The following POMGNT1 variants were observed in gnomAD, a reference collection of about 807,000 sequenced individuals.
POMGNT1 encodes protein O-linked-mannose beta-1,2-N-acetylglucosaminyltransferase 1.
POMGNT1 carries 67 observed loss-of-function variants against 95.6 expected under a neutral mutation model. The ratio of observed to expected loss-of-function variants is 0.70; its 90% CI spans 0.58 to 0.86. The LOEUF (loss-of-function observed/expected upper bound fraction) is 0.86. Among genes scored for constraint, POMGNT1 ranks in the 40% least tolerant of loss-of-function variants. The probability of loss-of-function intolerance (pLI) is 0.00; values close to 1 mark genes in which losing one functional copy is unlikely to be tolerated. For missense variants in POMGNT1, 719 were observed against 855.2 expected, an observed-to-expected ratio of 0.84 and a Z score of 1.99; for synonymous variants, 298 against 317.9, an observed-to-expected ratio of 0.94 and a Z score of 0.66.
chr1:46,207,784 T>C lies in POMGNT1; in HGVS notation c.-50-9913A>G, dbSNP rs146864739. Among the ~76,000 whole-genome samples the C allele has an allele frequency of 5.3e-3, 803 of 152,174 alleles. 6 individuals carry two copies. Among genetic ancestry groups the C allele is most frequent in the Middle Eastern group, 0.041 (12 of 294 alleles). On this transcript the variant is annotated intron_variant, in intron 1 of 22. Coordinates refer to the POMGNT1 transcript ENST00000371992. ...CGATCTCCTGACCTCGTGATCTGCC[T>C]GCCTCGGCCTCCCAAAGTGCTGGGA...
chr1:46,197,958 A>C (rs1459536348), intron 1 of POMGNT1, 87 bp from the exon 2 acceptor site: 5 of 1,316,738 alleles, frequency 3.8e-6, no homozygotes, highest in Non-Finnish European at 5.2e-6. Flanking sequence ...CCTCCCAGCA[A>C]CTCTTCCCTG....
rs754803910 is a variant in POMGNT1 at position 46,190,456 on chromosome 1, A to G, written c.1649+17T>C. 5 of 1,575,494 alleles carry G rather than the reference A, an allele frequency of 3.2e-6. No homozygotes were observed. The highest frequency in any genetic ancestry group is 2.2e-5 in the East Asian group (1 of 44,676). On this transcript the variant is annotated intron_variant, in intron 19 of 21. Coordinates refer to ENST00000371984, the MANE Select transcript of POMGNT1 (RefSeq NM_017739.4). ...ACTCTTTGCTCCCTGCTACACCCCA[A>G]TTGTCCTAGGCCATACCTGAGCAGC...
In POMGNT1 at chr1:46,190,687, A is replaced by C. The variant is rs763991035; in HGVS notation, c.1604+33T>G. 15 of 1,589,266 alleles carry C rather than the reference A, an allele frequency of 9.4e-6. No individual in the cohort carries two copies. The Admixed American group carries it at 1.5e-4, about 16-fold the overall frequency. ...AGGGACTGGCCTCCAAATCTCCTAG[A>C]TATCCACCCCTTGCCCTGCTGCCAG... is the stretch of plus-strand genomic sequence containing the variant. On this transcript the variant is annotated intron_variant, in intron 18 of 21. Transcript: ENST00000371984.
At position 46,196,613 on chromosome 1, in the gene POMGNT1, G is replaced by A; in HGVS notation, c.354+118C>T. Reference sequence around the variant, plus strand: ...TAGATAAGGAATCGAGGACTCCAAAGTCACACAGCTAGAAACTGGCAGAGT... The same window carrying A: ...TAGATAAGGAATCGAGGACTCCAAAATCACACAGCTAGAAACTGGCAGAGT... On this transcript the variant is annotated intron_variant, in intron 4 of 21. Transcript: ENST00000371984. The surrounding 1 kb of genome is among the most constrained non-coding windows in gnomAD (Gnocchi z 4.4). 1 of 1,589,916 alleles carries A rather than the reference G, an allele frequency of 6.3e-7. No individual in the cohort carries two copies. The highest frequency in any genetic ancestry group is 8.5e-7 in the Non-Finnish European group (1 of 1,171,704).
At chr1:46,209,744 C>T (rs1238216936) in intron 1 of POMGNT1, among the ~76,000 whole-genome samples, 3 of 151,834 alleles carry the variant, frequency 2.0e-5, no homozygotes, top group Non-Finnish European at 4.4e-5. Flanking sequence ...CTCCTGACCT[C>T]GGGTAATCCA....
intron 1 of POMGNT1, among the ~76,000 whole-genome samples, chr1:46,216,728 T>C (rs1659083476): frequency 6.6e-6 from 1 of 152,164 alleles, no homozygotes; most frequent in African/African-American, 2.4e-5. Context: ...GGGATACTGT[T>C]GAACCCATCA....
intron 2 of POMGNT1, chr1:46,197,501 G>C (rs955296955): frequency 4.7e-6 from 7 of 1,494,636 alleles, no homozygotes; most frequent in South Asian, 2.6e-5. Flanking sequence ...CAGAAGCTTA[G>C]AAGTTGTACT....
At chr1:46,201,014 C>T (rs1200665595), upstream of POMGNT1, among the ~76,000 whole-genome samples, 1 of 152,034 alleles carries the variant, frequency 6.6e-6, no homozygotes, top group East Asian at 1.9e-4. Flanking sequence ...GCCTGTAATT[C>T]CAGTTACTCA....
chr1:46,215,718 G>GT (rs1198015910), intron 1 of POMGNT1, among the ~76,000 whole-genome samples: 1 of 152,160 alleles, frequency 6.6e-6, no homozygotes, highest in Non-Finnish European at 1.5e-5. Flanking sequence ...GGGCAACATA[G>GT]TGAGACCCCA....
upstream of POMGNT1, chr1:46,198,536 C>T (rs1311921993): frequency 1.8e-5 from 3 of 167,026 alleles, no homozygotes; most frequent in Admixed American, 6.3e-5. Context: ...GCGGCGGCGG[C>T]GGCGGTGGCG....
Position 46,193,166 on chromosome 1 carries a change from G to C in POMGNT1, c.1152+8C>G. On this transcript the variant is annotated splice_region_variant and intron_variant, in intron 13 of 21. Coordinates refer to ENST00000371984, the MANE Select transcript of POMGNT1 (RefSeq NM_017739.4). ...CCCAGGCCCAAGAGTTGTATCCTTA[G>C]TACTCACCGGAAACAGGTTGAAAGT... 6.2e-7 allele frequency: 1 copy of C among 1,614,136 alleles called. No homozygotes were observed. The highest frequency in any genetic ancestry group is 8.5e-7 in the Non-Finnish European group (1 of 1,180,028).
Position 46,196,215 on chromosome 1 carries a change from C to A in POMGNT1, c.355-138G>T. On this transcript the variant is annotated intron_variant, in intron 4 of 21. Transcript: ENST00000371984. The surrounding 1 kb of genome is among the most constrained non-coding windows in gnomAD (Gnocchi z 4.4). ...CTGTTCACACAGTTCTTTTCCAACT[C>A]AGCTCGAAGGCCACCTCTTCCAGAA... 1 of 1,525,796 alleles carries A rather than the reference C, an allele frequency of 6.6e-7. No individual in the cohort carries two copies. The highest frequency in any genetic ancestry group is 8.8e-7 in the Non-Finnish European group (1 of 1,135,042). The allele number at this position is 1,525,796 out of a possible 1,614,324, so 94.5% of individuals were successfully genotyped here.
chr1:46,205,144 G>A (rs1658671436), intron 1 of POMGNT1, among the ~76,000 whole-genome samples: 2 of 152,132 alleles, frequency 1.3e-5, no homozygotes. Context: ...TGTAGTCCTA[G>A]CTACTCTGGA....
chr1:46,220,077 G>C, exon 1 of POMGNT1: 1 of 1,614,258 alleles, frequency 6.2e-7, no homozygotes, highest in East Asian at 2.2e-5. Context: ...CACCAGGCTA[G>C]GGAGCTTGAG....
At chr1:46,211,776 T>C (rs182804516) in intron 1 of POMGNT1, among the ~76,000 whole-genome samples, 38 of 152,272 alleles carry the variant, frequency 2.5e-4, no homozygotes, top group African/African-American at 9.1e-4. Context: ...TATATATATA[T>C]TTTTTTGAGA....
intron 1 of POMGNT1, among the ~76,000 whole-genome samples, chr1:46,204,912 G>T (rs916385975): frequency 1.3e-5 from 2 of 152,198 alleles, no homozygotes; most frequent in Non-Finnish European, 2.9e-5. Flanking sequence ...TTTACATGAT[G>T]CTCTCTTCAT....
At chr1:46,200,852 T>C (rs1389812155), upstream of POMGNT1, among the ~76,000 whole-genome samples, 1 of 152,226 alleles carries the variant, frequency 6.6e-6, no homozygotes. Flanking sequence ...TTAAGGCAAA[T>C]GTTGCCGGGT....
At position 46,189,550 on chromosome 1, in the gene POMGNT1, G is replaced by A. The variant is rs758019908; in HGVS notation, c.1803C>T (p.Asp601=). The A allele has an allele frequency of 6.2e-7, 1 of 1,612,296 alleles. No homozygotes were observed. Among genetic ancestry groups the A allele is most frequent in the East Asian group, 2.2e-5 (1 of 44,856 alleles). ...TQLAKCLHIW[D]LDVRGNHRGL... is the part of the protein sequence containing the mutation. Reference sequence around the variant, plus strand: ...CCCGATGGTTGCCACGCACATCCAGGTCCCAGATATGGAGGCACTAGTGAG... The same window carrying A: ...CCCGATGGTTGCCACGCACATCCAGATCCCAGATATGGAGGCACTAGTGAG... The change falls in exon 21 of 22, where the codon GAC becomes GAT. Residue 601 remains aspartate, a synonymous_variant. Transcript: ENST00000371984.
At chr1:46,192,048 G>A in intron 17 of POMGNT1, 50 bp downstream of exon 17, 1 of 1,574,018 alleles carries the variant, frequency 6.4e-7, no homozygotes, top group Middle Eastern at 1.7e-4. Context: ...CCATGTTCTT[G>A]TTCTTGACTG....
Sources: gnomAD v4.1 joint callset for allele counts (sites outside exome capture counted in the v4.1 genomes callset) on GRCh38, gnomAD v4.1.1 for gene constraint, Gnocchi (gnomAD v3.1) non-coding constraint, MANE v1.5 for transcripts, NCBI Gene and HGNC (gene_info 2026-07-23, HGNC 2026-07-21) for gene names.